The following MYO1E variants were observed in gnomAD, a reference collection of about 807,000 sequenced individuals.
MYO1E encodes the protein unconventional myosin-Ie.
A neutral mutation model predicts 151.1 loss-of-function variants in MYO1E; 68 were observed. The ratio of observed to expected loss-of-function variants is 0.45; its 90% CI spans 0.37 to 0.55. The LOEUF is 0.55. Among genes scored for constraint, MYO1E ranks in the 20% least tolerant of loss-of-function variants. MYO1E has a pLI of 0.00. For missense variants in MYO1E, 1,363 were observed against 1,389.3 expected (o/e 0.98, Z 0.30); for synonymous variants, 601 against 501.7 (o/e 1.20, Z -2.64).
At chr15:59,242,075 G>A (rs1207463109) in intron 4 of MYO1E, among the ~76,000 whole-genome samples, 1 of 152,172 alleles carries the variant, frequency 6.6e-6, no homozygotes, top group Non-Finnish European at 1.5e-5. Flanking sequence ...TGCACCAAGG[G>A]TTCTGGCCTG....
chr15:59,351,206 G>T (rs953183096), intron 1 of MYO1E, among the ~76,000 whole-genome samples: 2 of 152,204 alleles, frequency 1.3e-5, no homozygotes, highest in Middle Eastern at 3.4e-3. Flanking sequence ...GCCTTACTTG[G>T]TTTTTTAAGG....
chr15:59,276,058 G>T (rs755385920), intron 1 of MYO1E, among the ~76,000 whole-genome samples: 1 of 152,090 alleles, frequency 6.6e-6, no homozygotes, highest in Non-Finnish European at 1.5e-5. Flanking sequence ...ACAAACTACC[G>T]CCCTAGAATT....
intron 1 of MYO1E, among the ~76,000 whole-genome samples, chr15:59,368,073 C>T (rs1217294751): frequency 2.0e-5 from 3 of 152,044 alleles, no homozygotes; most frequent in Admixed American, 6.5e-5. Context: ...GAACCGAGAT[C>T]GCGCCAGTGC....
chr15:59,342,338 T>C (rs1192771212), intron 1 of MYO1E, among the ~76,000 whole-genome samples: 3 of 152,256 alleles, frequency 2.0e-5, no homozygotes, highest in African/African-American at 7.2e-5. Context: ...CTCTTCATTT[T>C]GTTGATTTTT....
At chr15:59,293,562 AAAAT>A (rs1227074631) in intron 1 of MYO1E, among the ~76,000 whole-genome samples, 1 of 152,074 alleles carries the variant, frequency 6.6e-6, no homozygotes, top group Non-Finnish European at 1.5e-5. Flanking sequence ...AAAACAAAAT[AAAAT>A]AAATAATTTT....
intron 1 of MYO1E, among the ~76,000 whole-genome samples, chr15:59,305,828 G>A (rs1426077224): frequency 6.6e-6 from 1 of 152,200 alleles, no homozygotes; most frequent in East Asian, 1.9e-4. Flanking sequence ...ATAAGTGGAA[G>A]GGGTGTATTC....
intron 8 of MYO1E, among the ~76,000 whole-genome samples, chr15:59,223,998 A>C (rs1160340482): frequency 6.6e-6 from 1 of 152,214 alleles, no homozygotes; most frequent in Non-Finnish European, 1.5e-5. Flanking sequence ...CTGCTCATTC[A>C]GAGTCTACTG....
intron 1 of MYO1E, among the ~76,000 whole-genome samples, chr15:59,360,912 G>A (rs2080881318): frequency 1.3e-5 from 2 of 152,116 alleles, no homozygotes; most frequent in African/African-American, 4.8e-5. Context: ...TGAGCCTTTG[G>A]GCAGTCCTCT....
At chr15:59,217,861 G>A (rs1415160807) in intron 10 of MYO1E, 30 bp downstream of exon 10, 2 of 1,608,972 alleles carry the variant, frequency 1.2e-6, no homozygotes, top group African/African-American at 1.3e-5. Flanking sequence ...AAGATATGAA[G>A]CATCACCAGC....
intron 26 of MYO1E, among the ~76,000 whole-genome samples, chr15:59,144,879 T>C (rs1240850425): frequency 2.0e-5 from 3 of 152,170 alleles, no homozygotes; most frequent in African/African-American, 7.2e-5. Flanking sequence ...GTTTCACTCT[T>C]GTTGCCCAGG....
chr15:59,163,444 A>C (rs1021119215), intron 22 of MYO1E, 141 bp from the exon 23 acceptor site: 2 of 843,224 alleles, frequency 2.4e-6, no homozygotes, highest in African/African-American at 3.4e-5. Flanking sequence ...ATAATCTTTC[A>C]AACAAAACCA....
chr15:59,200,373 T>C (rs2079793672), intron 16 of MYO1E, among the ~76,000 whole-genome samples: 1 of 152,198 alleles, frequency 6.6e-6, no homozygotes, highest in Admixed American at 6.5e-5. Flanking sequence ...GAGAATTTCA[T>C]TTGTTTTCTG....
intron 1 of MYO1E, among the ~76,000 whole-genome samples, chr15:59,301,619 A>G (rs1363605568): frequency 1.3e-5 from 2 of 152,240 alleles, no homozygotes; most frequent in African/African-American, 4.8e-5. Flanking sequence ...AGTCAGTAAC[A>G]ACCACTCTCC....
At chr15:59,275,949 C>G (rs908569887) in intron 1 of MYO1E, among the ~76,000 whole-genome samples, 7 of 152,186 alleles carry the variant, frequency 4.6e-5, no homozygotes, top group Non-Finnish European at 8.8e-5. Flanking sequence ...CTGCACACAG[C>G]CGCTGAATGC....
chr15:59,331,135 G>C (rs895876536), intron 1 of MYO1E, among the ~76,000 whole-genome samples: 1 of 152,172 alleles, frequency 6.6e-6, no homozygotes, highest in Non-Finnish European at 1.5e-5. Context: ...CAATGGCAGA[G>C]TTGAGTAGCT....
chr15:59,157,348 A>G (rs1475380474), intron 25 of MYO1E, among the ~76,000 whole-genome samples: 1 of 152,216 alleles, frequency 6.6e-6, no homozygotes, highest in Non-Finnish European at 1.5e-5. Context: ...AATAGAAAAC[A>G]GATTTCTTCT....
In MYO1E at chr15:59,141,293, G is replaced by A. The variant is rs549779565; in HGVS notation, c.3081-2926C>T. Among the ~76,000 whole-genome samples, 227 of 152,158 alleles carry A rather than the reference G, an allele frequency of 1.5e-3. 2 individuals carry two copies. Among genetic ancestry groups the A allele is most frequent in the African/African-American group, 5.2e-3 (215 of 41,496 alleles). On this transcript the variant is annotated intron_variant, in intron 26 of 27. Transcript: ENST00000288235. ...AAAAACTCATCCCTATCTCCCTGGG[G>A]GACTGGTTCCAGGACTCCTCACAGA...
At chr15:59,240,898 C>T (rs780551653) in intron 4 of MYO1E, among the ~76,000 whole-genome samples, 3 of 152,154 alleles carry the variant, frequency 2.0e-5, no homozygotes, top group Non-Finnish European at 1.5e-5. Flanking sequence ...TGTGTTAAGC[C>T]GAAGGCCAGA....
intron 1 of MYO1E, among the ~76,000 whole-genome samples, chr15:59,330,869 G>C (rs28642311): frequency 0.019 from 2,885 of 152,152 alleles, 91 homozygotes; most frequent in African/African-American, 0.064. Context: ...CCCAACCTCA[G>C]ACGATCCTCC....
Sources: gnomAD v4.1 joint callset for allele counts (sites outside exome capture counted in the v4.1 genomes callset) on GRCh38, gnomAD v4.1.1 for gene constraint, MANE v1.5 for transcripts, NCBI Gene and HGNC (gene_info 2026-07-23, HGNC 2026-07-21) for gene names.